GLDC: variants seen among roughly 807,000 people sequenced by gnomAD.
The protein encoded by GLDC is glycine decarboxylase, also known as glycine dehydrogenase (decarboxylating), mitochondrial.
A neutral mutation model predicts 121.3 loss-of-function variants in GLDC; 104 were observed. That is an observed-to-expected ratio of 0.86 (90% CI 0.73 to 1.01). GLDC has a LOEUF of 1.01. Among genes scored for constraint, GLDC ranks in the 50% least tolerant of loss-of-function variants. The pLI is 0.00. For missense variants in GLDC, 1,429 were observed against 1,306.6 expected (o/e 1.09, Z -1.44); for synonymous variants, 546 against 480.6 (o/e 1.14, Z -1.78).
intron 16 of GLDC, among the ~76,000 whole-genome samples, chr9:6,561,065 G>C (rs916199843): frequency 6.6e-6 from 1 of 152,212 alleles, no homozygotes; most frequent in Admixed American, 6.5e-5. Context: ...GAAGGAATCA[G>C]CTCTACCAAC....
chr9:6,596,728 G>T (rs1026238513), intron 8 of GLDC, among the ~76,000 whole-genome samples: 2 of 152,180 alleles, frequency 1.3e-5, no homozygotes, highest in Non-Finnish European at 1.5e-5. Context: ...TATAACCAAA[G>T]GATAGGAAGT....
Position 6,606,655 on chromosome 9 carries a change from C to T in GLDC, c.650G>A (p.Arg217Lys). The change falls in exon 5 of 25, where the codon AGG becomes AAG. Residue 217 changes from arginine to lysine, a missense_variant. Physicochemically the swap from Arg to Lys is conservative, Grantham distance 26. Transcript: ENST00000321612. ...LQLCYRHNKRRKFLVDPRCHP... is the reference protein window; with the variant it reads ...LQLCYRHNKRKKFLVDPRCHP... ...GCAACGGGGATCAACGAGAAATTTC[C>T]TCCTCTTGTTGTGTCTGTTGAAAAG... 1 of 1,602,042 alleles carries T rather than the reference C, an allele frequency of 6.2e-7. No homozygotes were observed. Among genetic ancestry groups the T allele is most frequent in the Non-Finnish European group, 8.6e-7 (1 of 1,169,378 alleles).
chr9:6,614,923 G>C (rs1034612057), intron 3 of GLDC, among the ~76,000 whole-genome samples: 1 of 152,158 alleles, frequency 6.6e-6, no homozygotes, highest in South Asian at 2.1e-4. Flanking sequence ...TACAACAATG[G>C]TTAAGTATTT....
At position 6,620,142 on chromosome 9, in the gene GLDC, C is replaced by T. The variant is rs374479576; in HGVS notation, c.470+42G>A. 12 of 1,596,676 alleles carry T rather than the reference C, an allele frequency of 7.5e-6. No individual in the cohort carries two copies. In the African/African-American group the frequency reaches 1.5e-4, roughly 20 times the overall value. On this transcript the variant is annotated intron_variant, in intron 3 of 24. Transcript: ENST00000321612. ...CAGATGGAGGATGGAGAGAATTATG[C>T]AAATCACAGTCATCCTGTTCCTGAA...
intron 15 of GLDC, among the ~76,000 whole-genome samples, chr9:6,578,794 A>G (rs548173003): frequency 6.6e-6 from 1 of 152,292 alleles, no homozygotes; most frequent in South Asian, 2.1e-4. Context: ...CAGCCTCCCA[A>G]AGTACTGCAA....
chr9:6,584,827 T>C (rs1039334525), intron 15 of GLDC, among the ~76,000 whole-genome samples: 3 of 152,196 alleles, frequency 2.0e-5, no homozygotes, highest in African/African-American at 7.2e-5. Flanking sequence ...AAGACATCAT[T>C]GCCAGGAACG....
intron 11 of GLDC, among the ~76,000 whole-genome samples, chr9:6,589,796 C>T (rs1266814276): frequency 1.3e-5 from 2 of 152,188 alleles, no homozygotes; most frequent in Non-Finnish European, 2.9e-5. Flanking sequence ...GTGGCTCACA[C>T]CTGTAATCCC....
At chr9:6,627,900 T>C (rs1217934668) in intron 2 of GLDC, among the ~76,000 whole-genome samples, 2 of 152,180 alleles carry the variant, frequency 1.3e-5, no homozygotes, top group Non-Finnish European at 2.9e-5. Flanking sequence ...ACTCATGAAA[T>C]ATCACTTTGG....
At chr9:6,584,779 GA>G (rs1407400228) in intron 15 of GLDC, among the ~76,000 whole-genome samples, 1 of 152,178 alleles carries the variant, frequency 6.6e-6, no homozygotes, top group African/African-American at 2.4e-5. Flanking sequence ...TCAGCTCTTG[GA>G]AATGGATGGT....
intron 22 of GLDC, among the ~76,000 whole-genome samples, chr9:6,537,707 G>C (rs1817162860): frequency 6.6e-6 from 1 of 152,120 alleles, no homozygotes; most frequent in South Asian, 2.1e-4. Flanking sequence ...CTTGAATCCA[G>C]GAGGTGAGCC....
chr9:6,576,854 A>C (rs899185305), intron 15 of GLDC, among the ~76,000 whole-genome samples: 1 of 152,186 alleles, frequency 6.6e-6, no homozygotes, highest in African/African-American at 2.4e-5. Flanking sequence ...ATCCATATTG[A>C]CTGTCTATTC....
intron 2 of GLDC, among the ~76,000 whole-genome samples, chr9:6,636,103 G>T (rs1433072446): frequency 6.6e-6 from 1 of 152,034 alleles, no homozygotes; most frequent in African/African-American, 2.4e-5. Flanking sequence ...AGGAGTTCAA[G>T]ACCAGCCTGG....
At chr9:6,576,867 G>C (rs1259756219) in intron 15 of GLDC, among the ~76,000 whole-genome samples, 1 of 152,168 alleles carries the variant, frequency 6.6e-6, no homozygotes, top group Non-Finnish European at 1.5e-5. Context: ...GTCTATTCCT[G>C]AATTAAATCT....
intron 2 of GLDC, among the ~76,000 whole-genome samples, chr9:6,636,194 C>T (rs1009285494): frequency 2.6e-5 from 4 of 152,012 alleles, no homozygotes; most frequent in African/African-American, 7.2e-5. Context: ...GTCTCGCCTA[C>T]TCAGGAAGCT....
At chr9:6,544,120 G>T (rs935726813) in intron 21 of GLDC, among the ~76,000 whole-genome samples, 18 of 152,316 alleles carry the variant, frequency 1.2e-4, no homozygotes, top group African/African-American at 4.3e-4. Flanking sequence ...AACTACTCTG[G>T]AAAGCTCTGC....
intron 2 of GLDC, among the ~76,000 whole-genome samples, chr9:6,642,253 G>A (rs1419618503): frequency 6.6e-6 from 1 of 152,170 alleles, no homozygotes; most frequent in Admixed American, 6.6e-5. Context: ...ATATGGCATG[G>A]GCATGGTGGC....
At chr9:6,545,721 G>C (rs994585054) in intron 21 of GLDC, among the ~76,000 whole-genome samples, 4 of 152,072 alleles carry the variant, frequency 2.6e-5, no homozygotes, top group Non-Finnish European at 4.4e-5. Flanking sequence ...GCTCACTGCA[G>C]CCTCCTATTC....
intron 2 of GLDC, among the ~76,000 whole-genome samples, chr9:6,642,059 G>C (rs1216724359): frequency 6.6e-6 from 1 of 152,118 alleles, no homozygotes; most frequent in East Asian, 1.9e-4. Context: ...ATCCTTTGCA[G>C]ATGCATCCTC....
At chr9:6,632,560 G>C (rs1242213068) in intron 2 of GLDC, among the ~76,000 whole-genome samples, 2 of 152,220 alleles carry the variant, frequency 1.3e-5, no homozygotes, top group Non-Finnish European at 2.9e-5. Flanking sequence ...GTATAACTGA[G>C]ACTTGTTTAA....
Sources: gnomAD v4.1 joint callset for allele counts (sites outside exome capture counted in the v4.1 genomes callset) on GRCh38, gnomAD v4.1.1 for gene constraint, MANE v1.5 for transcripts, NCBI Gene and HGNC (gene_info 2026-07-23, HGNC 2026-07-21) for gene names.